MDGA2: variants seen among roughly 807,000 people sequenced by gnomAD.
MDGA2 encodes the protein MAM domain-containing glycosylphosphatidylinositol anchor protein 2.
A neutral mutation model predicts 117.8 loss-of-function variants in MDGA2; 40 were observed. That is an observed-to-expected ratio of 0.34 (90% confidence interval 0.26 to 0.44). MDGA2 has a LOEUF of 0.44. Among genes scored for constraint, MDGA2 ranks in the 20% least tolerant of loss-of-function variants. The pLI is 1.00. For missense variants in MDGA2, 1,123 were observed against 1,250.6 expected (o/e 0.90, Z 1.54); for synonymous variants, 452 against 439.0 (o/e 1.03, Z -0.37).
chr14:47,052,228 G>C (rs1231656216), intron 7 of MDGA2, among the ~76,000 whole-genome samples: 2 of 151,224 alleles, frequency 1.3e-5, no homozygotes, highest in African/African-American at 4.8e-5. Context: ...CATTAGAAAA[G>C]AAAGAAGGGC....
chr14:47,399,750 T>A (rs1892094242), intron 1 of MDGA2, among the ~76,000 whole-genome samples: 1 of 132,474 alleles, frequency 7.5e-6, no homozygotes, highest in South Asian at 2.4e-4. Flanking sequence ...AAACAAATCA[T>A]GTCTGTTTTT....
intron 3 of MDGA2, among the ~76,000 whole-genome samples, chr14:47,163,458 A>G (rs1458470649): frequency 6.6e-6 from 1 of 151,954 alleles, no homozygotes; most frequent in Non-Finnish European, 1.5e-5. Flanking sequence ...GGTGATAGTG[A>G]ATGGGTCTTG....
chr14:47,456,058 G>A (rs1020103057), intron 1 of MDGA2, among the ~76,000 whole-genome samples: 1 of 151,734 alleles, frequency 6.6e-6, no homozygotes, highest in African/African-American at 2.4e-5. Context: ...GAAAGAACAT[G>A]AGTGAGAATG....
intron 1 of MDGA2, among the ~76,000 whole-genome samples, chr14:47,491,582 T>A (rs1042254308): frequency 6.6e-6 from 1 of 152,144 alleles, no homozygotes; most frequent in African/African-American, 2.4e-5. Flanking sequence ...ATAAAAACCA[T>A]GAAGATCAAA....
chr14:47,015,164 T>C (rs1888037394), intron 8 of MDGA2, among the ~76,000 whole-genome samples: 1 of 152,126 alleles, frequency 6.6e-6, no homozygotes, highest in Non-Finnish European at 1.5e-5. Flanking sequence ...CTATCTTTTA[T>C]GGGTGTGGTT....
chr14:47,397,731 A>G (rs1892045322), intron 1 of MDGA2, among the ~76,000 whole-genome samples: 1 of 152,204 alleles, frequency 6.6e-6, no homozygotes, highest in Admixed American at 6.5e-5. Flanking sequence ...ATTTATATAT[A>G]AATACATGTA....
chr14:47,228,915 C>A (rs1477864710), intron 2 of MDGA2, among the ~76,000 whole-genome samples: 1 of 152,064 alleles, frequency 6.6e-6, no homozygotes, highest in Non-Finnish European at 1.5e-5. Flanking sequence ...TGGGGGCTGG[C>A]CACTTAGGCA....
intron 1 of MDGA2, among the ~76,000 whole-genome samples, chr14:47,438,441 G>T (rs1035034889): frequency 6.6e-6 from 1 of 152,112 alleles, no homozygotes; most frequent in African/African-American, 2.4e-5. Context: ...GCCTAGCACT[G>T]GTTTACATAC....
intron 5 of MDGA2, among the ~76,000 whole-genome samples, chr14:47,104,870 C>A (rs539668046): frequency 6.6e-6 from 1 of 152,124 alleles, no homozygotes; most frequent in South Asian, 2.1e-4. Flanking sequence ...ACCTCCCTCA[C>A]TATCCCTCAA....
At chr14:47,621,884 C>T (rs886957640) in intron 1 of MDGA2, among the ~76,000 whole-genome samples, 1 of 152,162 alleles carries the variant, frequency 6.6e-6, no homozygotes, top group African/African-American at 2.4e-5. Flanking sequence ...AACTGAAATT[C>T]TGGGATTATG....
intron 1 of MDGA2, among the ~76,000 whole-genome samples, chr14:47,649,944 G>C (rs1897607755): frequency 6.6e-6 from 1 of 151,928 alleles, no homozygotes; most frequent in Non-Finnish European, 1.5e-5. Flanking sequence ...AACTTGACTG[G>C]GTAATAGGAT....
chr14:47,439,875 A>T (rs1431725182), intron 1 of MDGA2, among the ~76,000 whole-genome samples: 2 of 151,624 alleles, frequency 1.3e-5, no homozygotes. Flanking sequence ...GAAGTATTTT[A>T]TTAGTCAGTT....
At chr14:46,954,496 T>C (rs1463102766) in intron 9 of MDGA2, among the ~76,000 whole-genome samples, 1 of 152,080 alleles carries the variant, frequency 6.6e-6, no homozygotes, top group Non-Finnish European at 1.5e-5. Flanking sequence ...CCCTACTTCC[T>C]ACTTCTGTAG....
At chr14:47,397,526 A>C (rs577942009) in intron 1 of MDGA2, among the ~76,000 whole-genome samples, 36 of 152,192 alleles carry the variant, frequency 2.4e-4, no homozygotes, top group South Asian at 2.1e-4. Flanking sequence ...AACCCCAAAA[A>C]ACTAAGACCT....
At chr14:47,440,185 G>A (rs1268168704) in intron 1 of MDGA2, among the ~76,000 whole-genome samples, 2 of 152,068 alleles carry the variant, frequency 1.3e-5, no homozygotes, top group Admixed American at 6.6e-5. Flanking sequence ...GATCCCTGGA[G>A]GAAAGCAGCC....
At chr14:47,055,019 T>C (rs75108266) in intron 7 of MDGA2, among the ~76,000 whole-genome samples, 15 of 143,184 alleles carry the variant, frequency 1.0e-4, no homozygotes, top group African/African-American at 1.8e-4. Flanking sequence ...TTTTTTTTTT[T>C]CCAACAGATC....
At chr14:46,965,735 G>A (rs1255774509) in intron 8 of MDGA2, among the ~76,000 whole-genome samples, 4 of 152,046 alleles carry the variant, frequency 2.6e-5, no homozygotes, top group Non-Finnish European at 5.9e-5. Context: ...TGTATAGTGT[G>A]AAAATTTCGA....
At chr14:46,882,481 C>G (rs1328550535) in intron 10 of MDGA2, among the ~76,000 whole-genome samples, 4 of 150,008 alleles carry the variant, frequency 2.7e-5, no homozygotes. Context: ...TCAGAAAATT[C>G]CAAAGTGTCT....
At chr14:47,187,113 G>A (rs955923712) in intron 3 of MDGA2, among the ~76,000 whole-genome samples, 3 of 151,818 alleles carry the variant, frequency 2.0e-5, no homozygotes, top group African/African-American at 7.3e-5. Context: ...GAAATTAGGT[G>A]GGGAAATGGG....
Sources: gnomAD v4.1 joint callset for allele counts (sites outside exome capture counted in the v4.1 genomes callset) on GRCh38, gnomAD v4.1.1 for gene constraint, MANE v1.5 for transcripts, NCBI Gene and HGNC (gene_info 2026-07-23, HGNC 2026-07-21) for gene names.